The following TRHDE variants were observed in gnomAD, a reference collection of about 807,000 sequenced individuals.
TRHDE encodes thyrotropin releasing hormone degrading enzyme.
TRHDE carries 72 observed loss-of-function variants against 125.7 expected under a neutral mutation model. The ratio of observed to expected loss-of-function variants is 0.57; its 90% confidence interval spans 0.47 to 0.70. The LOEUF (loss-of-function observed/expected upper bound fraction) is 0.70. TRHDE is among the 30% of genes least tolerant of loss of function. TRHDE has a pLI of 0.00. For synonymous variants in TRHDE, 509 were observed against 509.1 expected (o/e 1.00, Z 0.00); for missense variants, 1,110 against 1,327.1 (o/e 0.84, Z 2.54).
intron 3 of TRHDE, among the ~76,000 whole-genome samples, chr12:72,398,081 G>A (rs1872879943): frequency 6.7e-6 from 1 of 150,260 alleles, no homozygotes; most frequent in Admixed American, 6.8e-5. Flanking sequence ...AGAATATGAG[G>A]TGTTTGGTTT....
chr12:72,476,954 G>A (rs1876925395), intron 5 of TRHDE, among the ~76,000 whole-genome samples: 2 of 152,022 alleles, frequency 1.3e-5, no homozygotes, highest in South Asian at 4.1e-4. Flanking sequence ...TTGTCCTCTA[G>A]CAAACTAATC....
At chr12:72,539,342 A>G (rs2135984468) in intron 6 of TRHDE, among the ~76,000 whole-genome samples, 1 of 152,054 alleles carries the variant, frequency 6.6e-6, no homozygotes, top group Admixed American at 6.6e-5. Flanking sequence ...GAAAGAAATT[A>G]GTTGAGAAGA....
chr12:72,363,408 A>C (rs985763711), intron 2 of TRHDE, among the ~76,000 whole-genome samples: 7 of 151,906 alleles, frequency 4.6e-5, no homozygotes, highest in African/African-American at 1.7e-4. Flanking sequence ...AGCACATCAA[A>C]AAGCTTATCC....
chr12:72,294,301 G>A (rs1331443862), intron 2 of TRHDE, among the ~76,000 whole-genome samples: 2 of 152,172 alleles, frequency 1.3e-5, no homozygotes, highest in South Asian at 2.1e-4. Flanking sequence ...AGTGGAGGGT[G>A]AGCAAGATGA....
chr12:72,584,302 A>G (rs961146151), intron 12 of TRHDE, among the ~76,000 whole-genome samples: 4 of 152,064 alleles, frequency 2.6e-5, no homozygotes, highest in Admixed American at 2.6e-4. Context: ...TATTTTATGT[A>G]TTTATCATAT....
chr12:72,568,158 A>C (rs1485753388), intron 9 of TRHDE, among the ~76,000 whole-genome samples: 1 of 152,124 alleles, frequency 6.6e-6, no homozygotes, highest in East Asian at 1.9e-4. Flanking sequence ...AATAAGGAGA[A>C]TATTAAAATG....
At chr12:72,453,848 A>G (rs1875705326) in intron 3 of TRHDE, among the ~76,000 whole-genome samples, 2 of 152,224 alleles carry the variant, frequency 1.3e-5, no homozygotes, top group Admixed American at 6.5e-5. Flanking sequence ...GGTGTAAGCC[A>G]TAAGCCTTGG....
At chr12:72,151,963 T>C (rs1265136430) in intron 2 of TRHDE, among the ~76,000 whole-genome samples, 2 of 151,740 alleles carry the variant, frequency 1.3e-5, no homozygotes, top group South Asian at 2.1e-4. Flanking sequence ...GGGGATGGCA[T>C]TGAATCTGTA....
chr12:72,257,358 C>G (rs977148064), intron 2 of TRHDE: 1 of 152,116 alleles, frequency 6.6e-6, no homozygotes, highest in Non-Finnish European at 1.5e-5. Flanking sequence ...AAATTAACTT[C>G]AGGCTATGGT....
chr12:72,536,900 C>T (rs1184690606), intron 6 of TRHDE, among the ~76,000 whole-genome samples: 1 of 152,064 alleles, frequency 6.6e-6, no homozygotes, highest in Non-Finnish European at 1.5e-5. Flanking sequence ...GAGCATCTCA[C>T]TGATTCCAAA....
intron 2 of TRHDE, among the ~76,000 whole-genome samples, chr12:72,336,710 G>A (rs1869844442): frequency 6.6e-6 from 1 of 152,288 alleles, no homozygotes; most frequent in African/African-American, 2.4e-5. Context: ...GGCAGAAAGT[G>A]GAAGGCCAGG....
intron 7 of TRHDE, among the ~76,000 whole-genome samples, chr12:72,543,790 T>A (rs1323935929): frequency 8.7e-6 from 1 of 114,394 alleles, no homozygotes; most frequent in East Asian, 2.5e-4. Context: ...GATTATTATT[T>A]GGAAAGGATT....
intron 6 of TRHDE, among the ~76,000 whole-genome samples, chr12:72,536,932 TC>T (rs1868892380): frequency 6.6e-6 from 1 of 152,082 alleles, no homozygotes; most frequent in Non-Finnish European, 1.5e-5. Flanking sequence ...TCTAAGAATT[TC>T]CTTTATTTTT....
At chr12:72,284,557 A>G (rs1194042364) in intron 1 of TRHDE, among the ~76,000 whole-genome samples, 1 of 152,230 alleles carries the variant, frequency 6.6e-6, no homozygotes, top group African/African-American at 2.4e-5. Flanking sequence ...AATAGTAAGA[A>G]AAATATTACC....
rs1010187516 is a variant in TRHDE, at chr12:72,612,015, T to C, written c.2322-6876T>C. Among the ~76,000 whole-genome samples the C allele has an allele frequency of 7.9e-5, 12 of 152,228 alleles. 1 individual carries two copies. The highest frequency in any genetic ancestry group is 7.2e-4 in the Admixed American group (11 of 15,274). ...TTATTTCAGGCTTTTCATGCTCTGG[T>C]TACCACTGACCTCCACAACTTTATA... is the stretch of plus-strand genomic sequence containing the variant. On this transcript the variant is annotated intron_variant, in intron 12 of 18. Transcript: ENST00000261180.
At chr12:72,329,930 G>A (rs564752887) in intron 2 of TRHDE, among the ~76,000 whole-genome samples, 12 of 152,108 alleles carry the variant, frequency 7.9e-5, no homozygotes, top group African/African-American at 2.4e-4. Flanking sequence ...AGAAACATAA[G>A]GGAATCAGAG....
intron 7 of TRHDE, among the ~76,000 whole-genome samples, chr12:72,552,359 G>T (rs1869718947): frequency 1.3e-5 from 2 of 152,134 alleles, no homozygotes; most frequent in Non-Finnish European, 2.9e-5. Context: ...AATACAATGG[G>T]CCTAGGGATA....
intron 15 of TRHDE, among the ~76,000 whole-genome samples, chr12:72,645,151 C>G (rs1464560394): frequency 6.6e-6 from 1 of 151,892 alleles, no homozygotes; most frequent in Non-Finnish European, 1.5e-5. Context: ...AAAAGTTGAC[C>G]ATAATGAAAC....
chr12:72,108,679 G>A lies in TRHDE; in HGVS notation n.279+2927G>A, dbSNP rs1875246177. Among the ~76,000 whole-genome samples, 4 of 152,208 alleles carry A rather than the reference G, an allele frequency of 2.6e-5. No individual in the cohort carries two copies. In the South Asian group the frequency reaches 8.3e-4, roughly 32 times the overall value. ...TGCGAGAACCTGGTGTTCTGGTGCA[G>A]TTCAGAACTGCTATTAAACCCATGG... On this transcript the variant is annotated intron_variant and non_coding_transcript_variant, in intron 2 of 4. Coordinates refer to the TRHDE transcript ENST00000548156.
Sources: gnomAD v4.1 joint callset for allele counts (sites outside exome capture counted in the v4.1 genomes callset) on GRCh38, gnomAD v4.1.1 for gene constraint, MANE v1.5 for transcripts, NCBI Gene and HGNC (gene_info 2026-07-23, HGNC 2026-07-21) for gene names.